CEP15: variants seen among roughly 807,000 people sequenced by gnomAD.
CEP15 encodes the protein centrosomal protein 15.
At chr3:62,319,867 A>T in the CEP15 span, 1 of 152,294 alleles carries the variant, frequency 6.6e-6, no homozygotes, top group Non-Finnish European at 1.5e-5. Context: ...GTGCCACGAA[A>T]ATGGGCTTTC....
chr3:62,331,385 G>A, the CEP15 span: 1 of 1,612,954 alleles, frequency 6.2e-7, no homozygotes, highest in Non-Finnish European at 8.5e-7. Flanking sequence ...ACGGCCTGAG[G>A]TGGTTTCTCT....
the CEP15 span, chr3:62,331,497 T>C: frequency 6.7e-6 from 7 of 1,042,832 alleles, no homozygotes; most frequent in Admixed American, 6.0e-5. Context: ...TTTCCAGATA[T>C]ATTTATTCAG....
chr3:62,327,938 T>TA, the CEP15 span, among the ~76,000 whole-genome samples: 2 of 152,184 alleles, frequency 1.3e-5, no homozygotes, highest in East Asian at 3.9e-4. Context: ...GGAAGCCTCT[T>TA]CAAGTTAACT....
the CEP15 span, among the ~76,000 whole-genome samples, chr3:62,324,343 T>C: frequency 1.3e-5 from 2 of 152,180 alleles, no homozygotes; most frequent in African/African-American, 4.8e-5. Flanking sequence ...CAGTGAGCTA[T>C]GATCATGCAC....
At chr3:62,330,444 T>G in the CEP15 span, among the ~76,000 whole-genome samples, 836 of 152,306 alleles carry the variant, frequency 5.5e-3, 7 homozygotes, top group South Asian at 0.018. Flanking sequence ...GTGCTGATTT[T>G]GGGAGCATTT....
At chr3:62,322,115 G>A in the CEP15 span, 29 of 1,528,700 alleles carry the variant, frequency 1.9e-5, no homozygotes, top group Non-Finnish European at 2.4e-5. This position sits in a 1 kb window ranked among gnomAD's most constrained non-coding sequence, Gnocchi z 5.5. Flanking sequence ...TTTTAGGTAA[G>A]TTTCATAAAA....
the CEP15 span, chr3:62,321,794 G>A: frequency 9.9e-6 from 6 of 604,842 alleles, no homozygotes; most frequent in East Asian, 9.5e-5. This position sits in a 1 kb window ranked among gnomAD's most constrained non-coding sequence, Gnocchi z 4.1. Context: ...CTTATTAGTC[G>A]ACATAGTAAT....
chr3:62,327,261 A>G, the CEP15 span, among the ~76,000 whole-genome samples: 1 of 152,262 alleles, frequency 6.6e-6, no homozygotes, highest in Non-Finnish European at 1.5e-5. Flanking sequence ...ATATGTAATT[A>G]AAATTTTCTA....
At chr3:62,325,322 A>G in the CEP15 span, among the ~76,000 whole-genome samples, 1 of 152,238 alleles carries the variant, frequency 6.6e-6, no homozygotes, top group Non-Finnish European at 1.5e-5. Flanking sequence ...TTAGATTTAA[A>G]TAAGTTCCAA....
At chr3:62,325,743 T>C in the CEP15 span, among the ~76,000 whole-genome samples, 5 of 152,126 alleles carry the variant, frequency 3.3e-5, no homozygotes, top group Admixed American at 6.5e-5. Context: ...AAGGCAATTG[T>C]GTAAGTAGGG....
the CEP15 span, chr3:62,320,650 G>A: frequency 3.2e-6 from 2 of 632,472 alleles, no homozygotes; most frequent in Non-Finnish European, 5.4e-6. Context: ...CACTTAAGAG[G>A]TTTTAGTGTT....
At chr3:62,325,064 A>C in the CEP15 span, among the ~76,000 whole-genome samples, 4 of 152,224 alleles carry the variant, frequency 2.6e-5, no homozygotes, top group Non-Finnish European at 5.9e-5. Context: ...TAAGAAATGA[A>C]GTTCACATTA....
the CEP15 span, among the ~76,000 whole-genome samples, chr3:62,325,137 G>A: frequency 6.6e-6 from 1 of 152,170 alleles, no homozygotes. Flanking sequence ...TTGGTGTGAA[G>A]ACAATTATTA....
At chr3:62,323,343 A>G in the CEP15 span, among the ~76,000 whole-genome samples, 1 of 152,204 alleles carries the variant, frequency 6.6e-6, no homozygotes, top group Non-Finnish European at 1.5e-5. Flanking sequence ...CTCAGAGAAG[A>G]AGCTAAGCCT....
At chr3:62,331,347 C>A in the CEP15 span, 194 of 1,612,956 alleles carry the variant, frequency 1.2e-4, no homozygotes, top group East Asian at 3.5e-3. Context: ...GCAGAAAAGT[C>A]ACTACAGACC....
the CEP15 span, chr3:62,324,025 CGT>C: frequency 6.6e-5 from 10 of 152,206 alleles, no homozygotes; most frequent in African/African-American, 2.4e-4. Context: ...CTACTTTCCT[CGT>C]ATGTTTTTAA....
chr3:62,321,030 C>T, the CEP15 span, among the ~76,000 whole-genome samples: 1 of 152,142 alleles, frequency 6.6e-6, no homozygotes, highest in African/African-American at 2.4e-5. The surrounding 1 kb of genome is among the most constrained non-coding windows in gnomAD (Gnocchi z 4.1). Context: ...ACGTTCTTTC[C>T]TTGGCTCCTA....
chr3:62,335,933 T>A, the CEP15 span: 1 of 151,968 alleles, frequency 6.6e-6, no homozygotes, highest in Admixed American at 6.6e-5. Flanking sequence ...TGAAAAAAAA[T>A]TAAGAAGTAT....
At chr3:62,331,690 A>G in the CEP15 span, among the ~76,000 whole-genome samples, 1 of 152,124 alleles carries the variant, frequency 6.6e-6, no homozygotes, top group Non-Finnish European at 1.5e-5. Context: ...AACAGACAAT[A>G]TGCACTAAAT....
Sources: gnomAD v4.1 joint callset for allele counts (sites outside exome capture counted in the v4.1 genomes callset) on GRCh38, gnomAD v4.1.1 for gene constraint, Gnocchi (gnomAD v3.1) non-coding constraint, MANE v1.5 for transcripts, NCBI Gene and HGNC (gene_info 2026-07-23, HGNC 2026-07-21) for gene names.